Variants in ANKRD30A observed in about 807,000 individuals in gnomAD.
ANKRD30A encodes ankyrin repeat domain-containing protein 30A.
Under a neutral mutation model 166.3 loss-of-function variants are expected in ANKRD30A, and 170 were observed. The ratio of observed to expected loss-of-function variants is 1.02; its 90% CI spans 0.90 to 1.16. The LOEUF (loss-of-function observed/expected upper bound fraction) is 1.16, where lower values mean the gene tolerates loss of function less well. Among genes scored for constraint, ANKRD30A ranks in the 50% most tolerant of loss-of-function variants. ANKRD30A has a pLI of 0.00. For missense variants in ANKRD30A, 1,630 were observed against 1,518.0 expected (o/e 1.07, Z -1.23); for synonymous variants, 564 against 508.9 (o/e 1.11, Z -1.46).
intron 13 of ANKRD30A, among the ~76,000 whole-genome samples, chr10:37,155,220 G>T (rs17606349): frequency 8.5e-4 from 130 of 152,162 alleles, no homozygotes; most frequent in Non-Finnish European, 1.7e-3. Context: ...ATGAAATACA[G>T]CAATATTGAA....
At chr10:37,243,742 G>T in the ANKRD30A span, among the ~76,000 whole-genome samples, 1 of 151,890 alleles carries the variant, frequency 6.6e-6, no homozygotes, top group African/African-American at 2.4e-5. Flanking sequence ...TCTAAGTAAG[G>T]ACCCAAAACA....
Position 37,125,929 on chromosome 10 carries a change from CG to C in ANKRD30A, c.146del (p.Gly49AspfsTer9). On this transcript the variant is annotated frameshift_variant, in exon 1 of 36. Transcript: ENST00000361713. LOFTEE classifies it high-confidence loss of function. ...TAGAAAGATCCATAAAGCTGCCTCC[CG>C]GGGACAAGTCCGGAAGCTGGAGAAG... ...DLRKIHKAAS[R>X]GQVRKLEKMT... is the part of the protein sequence containing the mutation. The C allele has an allele frequency of 2.5e-6, 4 of 1,611,540 alleles. No homozygotes were observed. Among genetic ancestry groups the C allele is most frequent in the Non-Finnish European group, 3.4e-6 (4 of 1,179,542 alleles).
At chr10:37,210,906 T>C (rs144726976) in intron 31 of ANKRD30A, among the ~76,000 whole-genome samples, 3,033 of 152,136 alleles carry the variant, frequency 0.02, 88 homozygotes, top group African/African-American at 0.068. Context: ...TTTTCTCCCA[T>C]TCTGTAGGTT....
chr10:37,171,725 A>G (rs1366680713), intron 21 of ANKRD30A, among the ~76,000 whole-genome samples: 2 of 151,304 alleles, frequency 1.3e-5, no homozygotes, highest in Admixed American at 6.6e-5. Context: ...ATATAAATCA[A>G]ACAAAATCAA....
chr10:37,153,731 C>G, intron 13 of ANKRD30A, 69 bp downstream of exon 13: 1 of 1,577,472 alleles, frequency 6.3e-7, no homozygotes. Flanking sequence ...GAGGGATATC[C>G]TCTAGTAGCT....
the ANKRD30A span, among the ~76,000 whole-genome samples, chr10:37,239,874 C>A: frequency 6.6e-6 from 1 of 152,054 alleles, no homozygotes; most frequent in African/African-American, 2.4e-5. Flanking sequence ...GTAAGTGAGA[C>A]ATCATTTTCA....
chr10:37,222,867 CTTA>C (rs1296309583), intron 34 of ANKRD30A, among the ~76,000 whole-genome samples: 3 of 151,356 alleles, frequency 2.0e-5, no homozygotes, highest in African/African-American at 7.3e-5. Context: ...ATAATCATGT[CTTA>C]TTATAAATTT....
In ANKRD30A at chr10:37,148,003, G is replaced by C. The variant is rs1227234597; in HGVS notation, c.1543+546G>C. On this transcript the variant is annotated intron_variant, in intron 9 of 35. Coordinates refer to ENST00000361713, the MANE Select transcript of ANKRD30A (RefSeq NM_052997.3). ...CAGAATTGTGTTTTATTTGCAATAGGTGAGTATTAACAAAAATGCATAGGT... is the reference window on the plus strand; with the variant it reads ...CAGAATTGTGTTTTATTTGCAATAGCTGAGTATTAACAAAAATGCATAGGT... Among the ~76,000 whole-genome samples the C allele has an allele frequency of 6.6e-5, 10 of 152,142 alleles. No individual in the cohort carries two copies. The South Asian group carries it at 1.9e-3, about 28-fold the overall frequency.
intron 15 of ANKRD30A, among the ~76,000 whole-genome samples, chr10:37,160,785 A>C (rs896638560): frequency 1.3e-5 from 2 of 152,122 alleles, no homozygotes; most frequent in African/African-American, 4.8e-5. Context: ...CTCATTTCTC[A>C]TATAAATTGT....
rs1837765211 is a variant in ANKRD30A, at chr10:37,149,634, T to C, written c.1544-17T>C. Reference sequence around the variant, plus strand: ...ATACTTACTTATGATTGATGATAAATCTCTTTTGCTTTTTAGAGCCTCCTA... The same window carrying C: ...ATACTTACTTATGATTGATGATAAACCTCTTTTGCTTTTTAGAGCCTCCTA... On this transcript the variant is annotated splice_polypyrimidine_tract_variant and intron_variant, in intron 9 of 35. Coordinates refer to ENST00000361713, the MANE Select transcript of ANKRD30A (RefSeq NM_052997.3). 3.7e-6 allele frequency: 6 copies of C among 1,610,420 alleles called. No homozygotes were observed. Among genetic ancestry groups the C allele is most frequent in the South Asian group, 2.2e-5 (2 of 90,864 alleles).
chr10:37,246,060 T>G, the ANKRD30A span, among the ~76,000 whole-genome samples: 2 of 152,168 alleles, frequency 1.3e-5, no homozygotes, highest in African/African-American at 4.8e-5. Context: ...TAACTACATC[T>G]GCAAAATTCT....
chr10:37,132,199 A>G (rs1442596664), intron 3 of ANKRD30A, 41 bp from the exon 4 acceptor site: 4 of 1,386,328 alleles, frequency 2.9e-6, no homozygotes, highest in Non-Finnish European at 4.0e-6. Flanking sequence ...GCTGAGAAAT[A>G]TGTAATTTCA....
chr10:37,162,407 T>G (rs1778085679), intron 15 of ANKRD30A, among the ~76,000 whole-genome samples: 1 of 152,196 alleles, frequency 6.6e-6, no homozygotes, highest in Admixed American at 6.5e-5. Context: ...TTTATACACA[T>G]GAAACACAAT....
chr10:37,179,047 TA>T (rs1839979282), intron 24 of ANKRD30A, among the ~76,000 whole-genome samples: 2 of 142,398 alleles, frequency 1.4e-5, no homozygotes, highest in African/African-American at 2.6e-5. Flanking sequence ...TATATATATA[TA>T]TATATATATA....
intron 1 of ANKRD30A, among the ~76,000 whole-genome samples, chr10:37,128,506 A>G (rs1271780267): frequency 1.3e-5 from 2 of 152,002 alleles, no homozygotes; most frequent in African/African-American, 4.8e-5. Context: ...GATTTATTAC[A>G]TATACGTCAA....
rs775769233 is a variant in ANKRD30A, at chr10:37,197,402, A to G, written c.2644-6A>G. 1.9e-6 allele frequency: 3 copies of G among 1,612,602 alleles called. No individual in the cohort carries two copies. Among genetic ancestry groups the G allele is most frequent in the Non-Finnish European group, 2.5e-6 (3 of 1,179,716 alleles). ...TATTAATCATTTTGCTTCCAACCCC[A>G]TTTAGCCTGCCATTGAAATGCAAAA... is the stretch of plus-strand genomic sequence containing the variant. On this transcript the variant is annotated splice_region_variant and splice_polypyrimidine_tract_variant and intron_variant, in intron 28 of 35. Coordinates refer to ENST00000361713, the MANE Select transcript of ANKRD30A (RefSeq NM_052997.3).
At chr10:37,208,608 CT>C (rs922153822) in intron 31 of ANKRD30A, among the ~76,000 whole-genome samples, 11 of 152,148 alleles carry the variant, frequency 7.2e-5, no homozygotes, top group African/African-American at 2.7e-4. Flanking sequence ...TGAGGGCCTT[CT>C]CACCTGCCCA....
At position 37,199,756 on chromosome 10, in the gene ANKRD30A, A is replaced by T. The variant is rs200153946; in HGVS notation, c.2746A>T (p.Lys916Ter). The change falls in exon 30 of 36, where the codon AAG (lysine) becomes TAG (stop). Residue 916 changes from lysine to a stop codon, truncating the protein, a stop_gained. Transcript: ENST00000361713. LOFTEE classifies it high-confidence loss of function. Reference sequence around the variant, plus strand: ...GATGTTCCCTTCAGAATCAAAACAAAAGAAGGTTGAAGAAAATTCTTGGGA... The same window carrying T: ...GATGTTCCCTTCAGAATCAAAACAATAGAAGGTTGAAGAAAATTCTTGGGA... ...DQMFPSESKQ[K>*]KVEENSWDSE... is the part of the protein sequence containing the mutation. The T allele has an allele frequency of 1.3e-6, 2 of 1,578,630 alleles. No individual in the cohort carries two copies. Among genetic ancestry groups the T allele is most frequent in the Non-Finnish European group, 1.7e-6 (2 of 1,156,084 alleles).
At position 37,157,976 on chromosome 10, in the gene ANKRD30A, G is replaced by A. The variant is rs527568250; in HGVS notation, c.1799-416G>A. ...ATATATTGACATAAGTGATTCTGAC[G>A]TGTTTCCTTAACAATATGCCATAGC... On this transcript the variant is annotated intron_variant, in intron 13 of 35. Transcript: ENST00000361713. Among the ~76,000 whole-genome samples the A allele has an allele frequency of 2.8e-4, 43 of 151,880 alleles. No individual in the cohort carries two copies. The South Asian group carries it at 3.1e-3, about 11-fold the overall frequency.
Sources: allele counts gnomAD v4.1 joint callset (sites outside exome capture counted in the v4.1 genomes callset), GRCh38; gene constraint gnomAD v4.1.1; transcripts MANE v1.5; gene names NCBI Gene and HGNC (gene_info 2026-07-23, HGNC 2026-07-21).